The following ACLY variants were observed in gnomAD, a reference collection of about 807,000 sequenced individuals.
ACLY encodes the protein ATP citrate lyase.
ACLY carries 41 observed loss-of-function variants against 133.0 expected under a neutral mutation model. The ratio of observed to expected loss-of-function variants is 0.31; its 90% CI spans 0.24 to 0.40. The LOEUF is 0.40. ACLY is among the 10% of genes least tolerant of loss of function. The pLI is 1.00. For missense variants in ACLY, 1,046 were observed against 1,453.8 expected (o/e 0.72, Z 4.56); for synonymous variants, 495 against 549.3 (o/e 0.90, Z 1.38).
At chr17:41,925,799 C>T (rs2050236581) in intron 1 of ACLY, among the ~76,000 whole-genome samples, 1 of 151,546 alleles carries the variant, frequency 6.6e-6, no homozygotes, top group Non-Finnish European at 1.5e-5. Flanking sequence ...ACAGGACCCC[C>T]TGCTAGCAAT....
At chr17:41,901,554 G>A in intron 11 of ACLY, 142 bp downstream of exon 11, 1 of 694,958 alleles carries the variant, frequency 1.4e-6, no homozygotes, top group Non-Finnish European at 2.5e-6. Flanking sequence ...TGTTGGGACA[G>A]GGAATGGAAA....
intron 17 of ACLY, among the ~76,000 whole-genome samples, chr17:41,886,891 T>C (rs1417775553): frequency 1.3e-5 from 2 of 151,466 alleles, no homozygotes; most frequent in South Asian, 2.1e-4. Context: ...TTGGAGGCTG[T>C]AGGGGGCAGA....
chr17:41,893,584 A>C (rs921348459), intron 14 of ACLY, among the ~76,000 whole-genome samples: 3 of 152,200 alleles, frequency 2.0e-5, no homozygotes, highest in Admixed American at 1.3e-4. Context: ...AGCTCGCCCA[A>C]TTTTGGTGGG....
chr17:41,889,554 A>AAAAAAAAAAAAAG (rs2049149432), intron 16 of ACLY, among the ~76,000 whole-genome samples: 1 of 150,024 alleles, frequency 6.7e-6, no homozygotes, highest in Non-Finnish European at 1.5e-5. Flanking sequence ...AAAAAAAAAA[A>AAAAAAAAAAAAAG]AAGAAGTAGC....
intron 23 of ACLY, among the ~76,000 whole-genome samples, chr17:41,873,500 G>A (rs991093018): frequency 6.6e-6 from 1 of 152,104 alleles, no homozygotes; most frequent in Non-Finnish European, 1.5e-5. Flanking sequence ...CTTTCTATCT[G>A]TTCAGCAGCT....
intron 1 of ACLY, among the ~76,000 whole-genome samples, chr17:41,925,478 G>A (rs1485789613): frequency 6.6e-6 from 1 of 151,082 alleles, no homozygotes; most frequent in Non-Finnish European, 1.5e-5. Flanking sequence ...GGGTGTGATG[G>A]CATGCACCTG....
intron 14 of ACLY, among the ~76,000 whole-genome samples, chr17:41,896,332 G>A (rs1343194967): frequency 6.6e-6 from 1 of 152,162 alleles, no homozygotes; most frequent in Admixed American, 6.5e-5. Flanking sequence ...CTCCAGGGCT[G>A]TGGGTCTGGC....
At chr17:41,880,844 C>A (rs1213922543) in intron 20 of ACLY, among the ~76,000 whole-genome samples, 1 of 150,420 alleles carries the variant, frequency 6.6e-6, no homozygotes, top group African/African-American at 2.4e-5. Flanking sequence ...CCAGCCTGGG[C>A]GACAGAGCGA....
chr17:41,892,090 G>A (rs1384705709), intron 16 of ACLY, among the ~76,000 whole-genome samples, 189 bp downstream of exon 16: 1 of 152,070 alleles, frequency 6.6e-6, no homozygotes, highest in East Asian at 1.9e-4. Flanking sequence ...AAGATCATGT[G>A]TCTCCAACCA....
chr17:41,889,916 A>G (rs563817179), intron 16 of ACLY, among the ~76,000 whole-genome samples: 31 of 152,142 alleles, frequency 2.0e-4, no homozygotes, highest in African/African-American at 7.5e-4. Context: ...CAAATGATCC[A>G]CCCACCTTGG....
At chr17:41,907,364 G>GC (rs2049750959) in intron 7 of ACLY, 78 bp downstream of exon 7, 1 of 1,414,340 alleles carries the variant, frequency 7.1e-7, no homozygotes, top group Non-Finnish European at 9.8e-7. Context: ...ATGAAGGGGG[G>GC]CCAAATGCAC....
In ACLY at chr17:41,907,436, C is replaced by G. The variant is rs2049753685; in HGVS notation, c.747+6G>C. The G allele has an allele frequency of 6.2e-7, 1 of 1,613,314 alleles. No individual in the cohort carries two copies. Among genetic ancestry groups the G allele is most frequent in the African/African-American group, 1.3e-5 (1 of 74,860 alleles). ...AGTCCCCATCTCCTCTCTAAACCAG[C>G]CTTACCTCTGGATATGCCTCCCGCC... On this transcript the variant is annotated splice_donor_region_variant and intron_variant, in intron 7 of 28. Coordinates refer to ENST00000352035, the MANE Select transcript of ACLY (RefSeq NM_001096.3).
chr17:41,883,167 G>T lies in ACLY; in HGVS notation c.2220C>A (p.Ile740=). ...GIKEGRLTKP[I]VCWCIGTCAT... ...CACACGTCCCGATGCACCAGCAGAC[G>T]ATGGGCTTAGTGAGGCGGCCCTCCT... Residue 740 remains isoleucine (I), a synonymous_variant, in exon 20 of 29, where the codon ATC becomes ATA. Transcript: ENST00000352035. The T allele has an allele frequency of 1.2e-6, 2 of 1,614,050 alleles. No homozygotes were observed. The highest frequency in any genetic ancestry group is 1.7e-6 in the Non-Finnish European group (2 of 1,180,022).
At chr17:41,914,707 C>G (rs560285670) in intron 1 of ACLY, among the ~76,000 whole-genome samples, 8 of 152,216 alleles carry the variant, frequency 5.3e-5, no homozygotes, top group African/African-American at 1.9e-4. Context: ...TCTCTGGGGA[C>G]CACCCTGTAG....
At chr17:41,901,488 G>A (rs1476795086) in intron 11 of ACLY, among the ~76,000 whole-genome samples, 1 of 152,024 alleles carries the variant, frequency 6.6e-6, no homozygotes, top group African/African-American at 2.4e-5. Flanking sequence ...TCTGTTAAGT[G>A]TAGAGCTCAA....
chr17:41,879,975 C>T (rs1479033042), intron 20 of ACLY, among the ~76,000 whole-genome samples: 2 of 152,152 alleles, frequency 1.3e-5, no homozygotes, highest in African/African-American at 2.4e-5. Flanking sequence ...AGCAACCCAC[C>T]CACCTCAGCC....
Position 41,892,240 on chromosome 17 carries a change from T to TGGGGGGGGGGGGGGGGGGGGGGG in ACLY, c.1770+38_1770+39insCCCCCCCCCCCCCCCCCCCCCCC. 13 of 400,154 alleles carry TGGGGGGGGGGGGGGGGGGGGGGG rather than the reference T, an allele frequency of 3.2e-5. 1 individual carries two copies. Among genetic ancestry groups the TGGGGGGGGGGGGGGGGGGGGGGG allele is most frequent in the Non-Finnish European group, 4.8e-5 (12 of 251,752 alleles). 24.8% of individuals were successfully genotyped at this position (400,154 alleles called of 1,614,324 possible). Reference sequence around the variant, plus strand: ...CAGTGATCTACCTGCGCATAGTTCATGGTCCCCACCCCCCACCCTCCAGAG... The same window carrying TGGGGGGGGGGGGGGGGGGGGGGG: ...CAGTGATCTACCTGCGCATAGTTCATGGGGGGGGGGGGGGGGGGGGGGGGGTCCCCACCCCCCACCCTCCAGAG... On this transcript the variant is annotated intron_variant, in intron 16 of 28. Coordinates refer to ENST00000352035, the MANE Select transcript of ACLY (RefSeq NM_001096.3).
chr17:41,915,809 C>T (rs1271172441), intron 1 of ACLY, among the ~76,000 whole-genome samples: 1 of 152,154 alleles, frequency 6.6e-6, no homozygotes, highest in Non-Finnish European at 1.5e-5. Context: ...CCCCCACCCC[C>T]TTCCAAAGAG....
chr17:41,919,122 G>A (rs1555635072), upstream of ACLY: 1 of 1,138,730 alleles, frequency 8.8e-7, no homozygotes, highest in Non-Finnish European at 1.1e-6. Context: ...ACGAGGGCGG[G>A]CCCCGGGGCC....
Sources: gnomAD v4.1 joint callset for allele counts (sites outside exome capture counted in the v4.1 genomes callset) on GRCh38, gnomAD v4.1.1 for gene constraint, MANE v1.5 for transcripts, NCBI Gene and HGNC (gene_info 2026-07-23, HGNC 2026-07-21) for gene names.